SCARB2: variants seen among roughly 807,000 people sequenced by gnomAD.
The protein encoded by SCARB2 is scavenger receptor class B member 2.
SCARB2 carries 29 observed loss-of-function variants against 58.6 expected under a neutral mutation model. The ratio of observed to expected loss-of-function variants is 0.49; its 90% CI spans 0.37 to 0.67. SCARB2 has a LOEUF of 0.67. Ranked by LOEUF, SCARB2 falls within the 30% of genes least tolerant of loss-of-function variation. The pLI, the probability that SCARB2 is intolerant of heterozygous loss-of-function variation, is 0.00. For missense variants in SCARB2, 488 were observed against 578.5 expected, an observed-to-expected ratio of 0.84 and a Z score of 1.60; for synonymous variants, 195 against 210.1, an observed-to-expected ratio of 0.93 and a Z score of 0.62.
At chr4:76,184,266 G>A (rs919299528) in intron 2 of SCARB2, among the ~76,000 whole-genome samples, 3 of 152,244 alleles carry the variant, frequency 2.0e-5, no homozygotes, top group African/African-American at 7.2e-5. Flanking sequence ...CTCCTAACAG[G>A]TACCTAAGAA....
At chr4:76,210,947 A>C (rs956680042) in intron 1 of SCARB2, among the ~76,000 whole-genome samples, 1 of 152,234 alleles carries the variant, frequency 6.6e-6, no homozygotes, top group Non-Finnish European at 1.5e-5. Context: ...AAATGAAAAA[A>C]CAAAGAACTG....
At chr4:76,211,800 T>C (rs1357702357) in intron 1 of SCARB2, among the ~76,000 whole-genome samples, 2 of 152,228 alleles carry the variant, frequency 1.3e-5, no homozygotes, top group Non-Finnish European at 2.9e-5. Flanking sequence ...CCACTGAAAC[T>C]AGCCCTGTCC....
intron 11 of SCARB2, 123 bp downstream of exon 11, chr4:76,163,102 T>C (rs554946859): frequency 3.2e-6 from 4 of 1,252,908 alleles, no homozygotes; most frequent in South Asian, 2.5e-5. Flanking sequence ...GAAATCACTA[T>C]GCCCAGCATA....
At chr4:76,225,188 C>G (rs910067496) in intron 1 of SCARB2, among the ~76,000 whole-genome samples, 1 of 152,166 alleles carries the variant, frequency 6.6e-6, no homozygotes, top group East Asian at 1.9e-4. Flanking sequence ...TCCACTCGCA[C>G]TCGTTGGCAC....
intron 2 of SCARB2, chr4:76,191,881 C>T (rs1732615336): frequency 6.5e-6 from 1 of 152,708 alleles, no homozygotes; most frequent in Admixed American, 6.6e-5. Flanking sequence ...AGCAATTCTC[C>T]TGCCTTAGCC....
intron 2 of SCARB2, among the ~76,000 whole-genome samples, chr4:76,190,720 G>T (rs1333636055): frequency 1.3e-5 from 2 of 152,114 alleles, no homozygotes. Context: ...GGAGACAAAG[G>T]TTGCAGTGAG....
intron 1 of SCARB2, among the ~76,000 whole-genome samples, chr4:76,234,048 T>C (rs1438389572): frequency 2.0e-5 from 3 of 152,238 alleles, no homozygotes; most frequent in African/African-American, 7.2e-5. Context: ...AGATGGCCTT[T>C]CAGGCCCAGG....
In SCARB2 at chr4:76,213,761, G is replaced by A. The variant is rs1288218223; in HGVS notation, c.-218C>T. 4.5e-6 allele frequency: 2 copies of A among 448,316 alleles called. No homozygotes were observed. Among genetic ancestry groups the A allele is most frequent in the South Asian group, 3.3e-5 (1 of 30,734 alleles). 27.8% of individuals were successfully genotyped at this position (448,316 alleles called of 1,614,324 possible). ...GATGGGGCCGCGGAGGGACGGGCCCGGACTCGGTTTCGGTTTCCTTCGCCG... is the reference window on the plus strand; with the variant it reads ...GATGGGGCCGCGGAGGGACGGGCCCAGACTCGGTTTCGGTTTCCTTCGCCG... On this transcript the variant is annotated 5_prime_UTR_variant, in exon 1 of 12. Transcript: ENST00000264896.
At position 76,169,880 on chromosome 4, in the gene SCARB2, A is replaced by G; in HGVS notation, c.1100T>C (p.Val367Ala). 1 of 1,612,572 alleles carries G rather than the reference A, an allele frequency of 6.2e-7. No individual in the cohort carries two copies. The highest frequency in any genetic ancestry group is 1.1e-5 in the South Asian group (1 of 91,042). Residue 367 changes from valine (V) to alanine (A), a missense_variant, in exon 8 of 12, where the codon GTG (valine) becomes GCG (alanine). By Grantham distance (64) the Val-to-Ala change is moderately conservative. Transcript: ENST00000264896. Reference protein sequence around the residue: ...HPNQEDHETFVDINPLTGIIL... With the variant: ...HPNQEDHETFADINPLTGIIL... The stretch of plus-strand genomic sequence containing the variant: ...GTATGTACTCACAGGATTAATGTCC[A>G]CAAATGTCTCATGGTCTTCCTGATT...
At chr4:76,204,803 A>G (rs149042158) in intron 1 of SCARB2, among the ~76,000 whole-genome samples, 222 of 152,304 alleles carry the variant, frequency 1.5e-3, no homozygotes, top group African/African-American at 5.2e-3. Flanking sequence ...GGTTGTGATT[A>G]TATCTCTCAA....
intron 1 of SCARB2, among the ~76,000 whole-genome samples, chr4:76,233,417 T>G (rs1184413236): frequency 6.6e-6 from 1 of 152,194 alleles, no homozygotes; most frequent in African/African-American, 2.4e-5. Context: ...TGACATCTGT[T>G]TTTACCAATA....
chr4:76,171,542 G>A (rs1732129071), intron 7 of SCARB2, among the ~76,000 whole-genome samples: 1 of 151,590 alleles, frequency 6.6e-6, no homozygotes, highest in African/African-American at 2.4e-5. Flanking sequence ...TCCAAATTCG[G>A]GAATACGTTA....
intron 8 of SCARB2, 147 bp from the exon 9 acceptor site, chr4:76,168,623 TC>T: frequency 1.5e-6 from 1 of 683,934 alleles, no homozygotes; most frequent in East Asian, 2.6e-5. Flanking sequence ...GTAAAAGTGA[TC>T]CCCAGAACAG....
intron 1 of SCARB2, among the ~76,000 whole-genome samples, chr4:76,210,687 G>C (rs759672705): frequency 6.6e-6 from 1 of 152,144 alleles, no homozygotes; most frequent in Non-Finnish European, 1.5e-5. Context: ...TGCCCAATAC[G>C]AGGCAGTCAC....
intron 6 of SCARB2, chr4:76,175,247 CTT>C (rs1732228613): frequency 1.3e-5 from 2 of 159,390 alleles, no homozygotes; most frequent in Non-Finnish European, 1.4e-5. Context: ...ACGTAATGCT[CTT>C]GATTCCATTC....
intron 2 of SCARB2, among the ~76,000 whole-genome samples, chr4:76,182,507 T>A (rs1732405992): frequency 6.6e-6 from 1 of 152,222 alleles, no homozygotes; most frequent in African/African-American, 2.4e-5. Context: ...AAATTACACA[T>A]GTGGTTCATG....
At chr4:76,233,799 C>G (rs1733534414) in intron 1 of SCARB2, among the ~76,000 whole-genome samples, 1 of 152,082 alleles carries the variant, frequency 6.6e-6, no homozygotes, top group African/African-American at 2.4e-5. Context: ...ATATGTAAAA[C>G]CAGATGAAGG....
chr4:76,221,764 C>T (rs763086105), intron 1 of SCARB2, among the ~76,000 whole-genome samples: 3 of 152,168 alleles, frequency 2.0e-5, no homozygotes, highest in African/African-American at 4.8e-5. Flanking sequence ...TGAAGGAGGA[C>T]GTGGGTGAGG....
intron 7 of SCARB2, among the ~76,000 whole-genome samples, chr4:76,171,664 G>C (rs1363625296): frequency 6.6e-6 from 1 of 152,182 alleles, no homozygotes. Flanking sequence ...AAAACAGCAA[G>C]AGAAAATATA....
Sources: allele counts gnomAD v4.1 joint callset (sites outside exome capture counted in the v4.1 genomes callset), GRCh38; gene constraint gnomAD v4.1.1; transcripts MANE v1.5; gene names NCBI Gene and HGNC (gene_info 2026-07-23, HGNC 2026-07-21).